CD1B: variants seen among roughly 807,000 people sequenced by gnomAD.
CD1B encodes T-cell surface glycoprotein CD1b.
CD1B carries 43 observed loss-of-function variants against 39.8 expected under a neutral mutation model. The ratio of observed to expected loss-of-function variants is 1.08; its 90% CI spans 0.85 to 1.39. The LOEUF (loss-of-function observed/expected upper bound fraction) is 1.39. Among genes scored for constraint, CD1B ranks in the 40% most tolerant of loss-of-function variants. The probability of loss-of-function intolerance (pLI) is 0.00; values close to 1 mark genes in which losing one functional copy is unlikely to be tolerated. For synonymous variants in CD1B, 192 were observed against 152.5 expected (o/e 1.26, Z -1.91); for missense variants, 495 against 403.8 (o/e 1.23, Z -1.94).
At chr1:158,322,452 A>C in the CD1B span, among the ~76,000 whole-genome samples, 1 of 147,252 alleles carries the variant, frequency 6.8e-6, no homozygotes, top group Non-Finnish European at 1.5e-5. Flanking sequence ...TTTTCTCGTA[A>C]GATGCGGTTT....
intron 3 of CD1B, 58 bp from the exon 4 acceptor site, chr1:158,329,706 A>G (rs1257720181): frequency 6.3e-6 from 10 of 1,587,490 alleles, no homozygotes; most frequent in Non-Finnish European, 6.0e-6. Context: ...AGAGGTTATG[A>G]ACTCAGAAAC....
chr1:158,330,772 C>G, intron 2 of CD1B, 24 bp downstream of exon 2: 1 of 1,612,448 alleles, frequency 6.2e-7, no homozygotes, highest in Non-Finnish European at 8.5e-7. Context: ...TGAGACTCTT[C>G]CCAGTTCGGT....
the CD1B span, among the ~76,000 whole-genome samples, chr1:158,320,712 C>T: frequency 1.8e-4 from 27 of 152,040 alleles, no homozygotes; most frequent in African/African-American, 6.0e-4. Context: ...TGTTGTGTTC[C>T]CATTTCCATT....
chr1:158,324,182 C>A (rs1318224006), downstream of CD1B, among the ~76,000 whole-genome samples: 1 of 152,182 alleles, frequency 6.6e-6, no homozygotes, highest in Admixed American at 6.5e-5. Context: ...AGACTCAAGA[C>A]AAAATTGGAG....
At chr1:158,321,372 C>T in the CD1B span, among the ~76,000 whole-genome samples, 3 of 152,034 alleles carry the variant, frequency 2.0e-5, no homozygotes, top group South Asian at 4.1e-4. Context: ...CTTTTTCTAT[C>T]CCTTCACTTT....
chr1:158,289,716 T>C, the CD1B span: 4 of 189,902 alleles, frequency 2.1e-5, no homozygotes, highest in Non-Finnish European at 3.3e-5. Context: ...CCTTTTTATC[T>C]TACAAATGAC....
the CD1B span, among the ~76,000 whole-genome samples, chr1:158,312,220 G>A: frequency 6.6e-6 from 1 of 152,150 alleles, no homozygotes; most frequent in Non-Finnish European, 1.5e-5. Context: ...GACCTAGTGG[G>A]AGATAATTGA....
the CD1B span, among the ~76,000 whole-genome samples, chr1:158,314,882 C>A: frequency 6.7e-6 from 1 of 148,220 alleles, no homozygotes; most frequent in Non-Finnish European, 1.5e-5. Context: ...GTTCAATTCC[C>A]ACCTATGAGT....
At chr1:158,301,887 C>A in the CD1B span, among the ~76,000 whole-genome samples, 307 of 152,282 alleles carry the variant, frequency 2.0e-3, 1 homozygote, top group African/African-American at 6.2e-3. Context: ...TGTTTTCCAG[C>A]TTGGTTCCAT....
At chr1:158,318,386 C>T in the CD1B span, among the ~76,000 whole-genome samples, 1 of 152,152 alleles carries the variant, frequency 6.6e-6, no homozygotes, top group Non-Finnish European at 1.5e-5. Flanking sequence ...GTTAACTCTT[C>T]TTGTTGAATT....
At chr1:158,295,105 A>G in the CD1B span, among the ~76,000 whole-genome samples, 1 of 152,212 alleles carries the variant, frequency 6.6e-6, no homozygotes, top group Non-Finnish European at 1.5e-5. Flanking sequence ...ATAAAGCCAA[A>G]AATATATAAA....
At chr1:158,331,287 A>T in intron 1 of CD1B, 76 bp downstream of exon 1, 1 of 1,368,646 alleles carries the variant, frequency 7.3e-7, no homozygotes, top group Non-Finnish European at 1.0e-6. Context: ...GTCCAATTGC[A>T]CCTAGGAAAG....
downstream of CD1B, among the ~76,000 whole-genome samples, chr1:158,325,700 T>C (rs568176080): frequency 3.9e-5 from 6 of 152,094 alleles, no homozygotes; most frequent in East Asian, 1.2e-3. Context: ...GAGAAAAGCT[T>C]TTCTGGTGAT....
the CD1B span, among the ~76,000 whole-genome samples, chr1:158,289,479 G>A: frequency 1.2e-3 from 188 of 152,222 alleles, no homozygotes; most frequent in Non-Finnish European, 1.0e-3. Context: ...AAAAAGCAAC[G>A]TCTCCAATTT....
chr1:158,321,098 A>G, the CD1B span, among the ~76,000 whole-genome samples: 2 of 152,168 alleles, frequency 1.3e-5, no homozygotes, highest in African/African-American at 4.8e-5. Flanking sequence ...ACTGAAGATA[A>G]GATGTTCAAG....
the CD1B span, among the ~76,000 whole-genome samples, chr1:158,286,044 G>C: frequency 1.3e-5 from 2 of 152,100 alleles, no homozygotes; most frequent in African/African-American, 2.4e-5. Context: ...GGGTGCAAAA[G>C]TCACCCACTA....
At chr1:158,329,252 A>C (rs1203023817) in intron 4 of CD1B, 118 bp downstream of exon 4, 3 of 1,287,512 alleles carry the variant, frequency 2.3e-6, no homozygotes, top group Non-Finnish European at 3.2e-6. Flanking sequence ...GGTCAGGGAA[A>C]TCAATCAATC....
the CD1B span, among the ~76,000 whole-genome samples, chr1:158,314,952 C>T: frequency 1.3e-5 from 2 of 148,524 alleles, no homozygotes; most frequent in Admixed American, 1.3e-4. Context: ...TGATGATTTC[C>T]AATTTCATCC....
At position 158,330,794 on chromosome 1, in the gene CD1B, A is replaced by G. The variant is rs1159227976; in HGVS notation, c.328+2T>C. 5.0e-6 allele frequency: 8 copies of G among 1,613,992 alleles called. No homozygotes were observed. Among genetic ancestry groups the G allele is most frequent in the Non-Finnish European group, 6.8e-6 (8 of 1,179,848 alleles). ...CTTCCCAGTTCGGTGGACTAGACTCACATTTCATCTGGAAATCACCGGCAA... is the reference window on the plus strand; with the variant it reads ...CTTCCCAGTTCGGTGGACTAGACTCGCATTTCATCTGGAAATCACCGGCAA... On this transcript the variant is annotated splice_donor_variant, in intron 2 of 5. Transcript: ENST00000368168. LOFTEE classifies it high-confidence loss of function.
Sources: gnomAD v4.1 joint callset for allele counts (sites outside exome capture counted in the v4.1 genomes callset) on GRCh38, gnomAD v4.1.1 for gene constraint, MANE v1.5 for transcripts, NCBI Gene and HGNC (gene_info 2026-07-23, HGNC 2026-07-21) for gene names.